Variants in SMYD3 observed in about 807,000 individuals in gnomAD.
SMYD3 encodes SET and MYND domain containing 3.
Under a neutral mutation model 57.7 loss-of-function variants are expected in SMYD3, and 36 were observed. That is an observed-to-expected ratio of 0.62 (90% CI 0.48 to 0.82). The LOEUF (loss-of-function observed/expected upper bound fraction) is 0.82. SMYD3 is among the 40% of genes least tolerant of loss of function. The pLI is 0.00. For synonymous variants in SMYD3, 211 were observed against 195.0 expected, an observed-to-expected ratio of 1.08 and a Z score of -0.68; for missense variants, 515 against 538.8, an observed-to-expected ratio of 0.96 and a Z score of 0.44.
intron 10 of SMYD3, among the ~76,000 whole-genome samples, chr1:245,769,422 G>T (rs1303581639): frequency 2.0e-5 from 3 of 152,206 alleles, no homozygotes; most frequent in African/African-American, 7.2e-5. Flanking sequence ...AAAAACAAGG[G>T]ACAGAGGGAC....
chr1:246,039,303 T>C (rs2148288803), intron 5 of SMYD3, among the ~76,000 whole-genome samples: 1 of 152,306 alleles, frequency 6.6e-6, no homozygotes, highest in African/African-American at 2.4e-5. Flanking sequence ...TATACATGCA[T>C]ATTGAGATGT....
intron 7 of SMYD3, among the ~76,000 whole-genome samples, chr1:245,918,888 C>A (rs1008498231): frequency 1.3e-5 from 2 of 152,148 alleles, no homozygotes; most frequent in African/African-American, 2.4e-5. Flanking sequence ...TTACAGTGTG[C>A]CCAGTGTGAA....
At chr1:246,098,551 T>C (rs2060954526) in intron 5 of SMYD3, among the ~76,000 whole-genome samples, 1 of 152,240 alleles carries the variant, frequency 6.6e-6, no homozygotes, top group Non-Finnish European at 1.5e-5. Flanking sequence ...TTCCCTGGAA[T>C]ATTTTATTTC....
chr1:246,036,878 C>T (rs1478892156), intron 5 of SMYD3, among the ~76,000 whole-genome samples: 2 of 152,094 alleles, frequency 1.3e-5, no homozygotes, highest in East Asian at 3.9e-4. Flanking sequence ...ATTTTATTAT[C>T]ATCATTTAGT....
chr1:245,909,555 A>G (rs2054820254), intron 8 of SMYD3, among the ~76,000 whole-genome samples: 1 of 150,906 alleles, frequency 6.6e-6, no homozygotes, highest in Non-Finnish European at 1.5e-5. Flanking sequence ...TAGCATAGAC[A>G]CACTTTTTTT....
chr1:246,258,311 A>G (rs1248047404), intron 5 of SMYD3, among the ~76,000 whole-genome samples: 1 of 152,204 alleles, frequency 6.6e-6, no homozygotes, highest in East Asian at 1.9e-4. Flanking sequence ...CTGGGATTAC[A>G]GGAGTGAGCC....
intron 8 of SMYD3, among the ~76,000 whole-genome samples, chr1:245,881,485 T>C (rs537366573): frequency 6.6e-6 from 1 of 152,272 alleles, no homozygotes; most frequent in South Asian, 2.1e-4. Flanking sequence ...TTTTGAAGCA[T>C]CAGGTAATAG....
intron 5 of SMYD3, among the ~76,000 whole-genome samples, chr1:246,050,572 A>T (rs953984566): frequency 6.6e-6 from 1 of 152,222 alleles, no homozygotes; most frequent in African/African-American, 2.4e-5. Flanking sequence ...AAAAAGCAAA[A>T]GGAATTTCTA....
At chr1:245,909,462 G>A (rs921969305) in intron 8 of SMYD3, among the ~76,000 whole-genome samples, 1 of 151,956 alleles carries the variant, frequency 6.6e-6, no homozygotes, top group Admixed American at 6.6e-5. Context: ...TATAAAACCA[G>A]CATTATGTAA....
chr1:246,430,636 T>C (rs1375050490), intron 1 of SMYD3, among the ~76,000 whole-genome samples: 1 of 152,098 alleles, frequency 6.6e-6, no homozygotes, highest in Non-Finnish European at 1.5e-5. Flanking sequence ...CTAGGGAGTT[T>C]TCACTGAAAC....
intron 5 of SMYD3, among the ~76,000 whole-genome samples, chr1:245,946,092 C>T (rs1351940427): frequency 1.3e-5 from 2 of 152,138 alleles, no homozygotes; most frequent in Non-Finnish European, 2.9e-5. Context: ...CAAACCTGAA[C>T]GTCCTGTACA....
chr1:246,497,729 C>T (rs947184835), intron 1 of SMYD3, among the ~76,000 whole-genome samples: 9 of 152,096 alleles, frequency 5.9e-5, no homozygotes, highest in East Asian at 1.9e-4. Flanking sequence ...TGATGTTGCA[C>T]GCCTGTGGTC....
chr1:246,088,650 G>A (rs2060769453), intron 5 of SMYD3, among the ~76,000 whole-genome samples: 1 of 152,148 alleles, frequency 6.6e-6, no homozygotes, highest in South Asian at 2.1e-4. Flanking sequence ...GAAATTCCAT[G>A]AAGTAGTCCA....
At chr1:246,187,898 G>C (rs573980423) in intron 5 of SMYD3, among the ~76,000 whole-genome samples, 22 of 151,928 alleles carry the variant, frequency 1.4e-4, no homozygotes, top group African/African-American at 5.1e-4. Flanking sequence ...GTCCCCCTAA[G>C]AACAGTTCTC....
At chr1:246,201,436 G>T (rs2062922022) in intron 5 of SMYD3, among the ~76,000 whole-genome samples, 1 of 152,246 alleles carries the variant, frequency 6.6e-6, no homozygotes, top group African/African-American at 2.4e-5. Flanking sequence ...TATTATTTGG[G>T]TCACTATATC....
At chr1:246,227,346 C>T (rs1180002425) in intron 5 of SMYD3, among the ~76,000 whole-genome samples, 2 of 152,104 alleles carry the variant, frequency 1.3e-5, no homozygotes, top group East Asian at 1.9e-4. Context: ...CCGGGTGCGG[C>T]GGCTCACGCC....
chr1:245,749,770 T>C (rs2147995015), intron 11 of SMYD3, 106 bp from the exon 12 acceptor site: 1 of 794,222 alleles, frequency 1.3e-6, no homozygotes. Flanking sequence ...CCCACAGGTT[T>C]ACAGGGTGAA....
chr1:245,986,276 G>A (rs1396368228), intron 5 of SMYD3, among the ~76,000 whole-genome samples: 1 of 152,194 alleles, frequency 6.6e-6, no homozygotes, highest in African/African-American at 2.4e-5. Context: ...TTCTGGAGAA[G>A]TTTTCTCATT....
chr1:246,112,811 C>T (rs550327940), intron 5 of SMYD3, among the ~76,000 whole-genome samples: 17 of 152,304 alleles, frequency 1.1e-4, no homozygotes, highest in African/African-American at 3.4e-4. Context: ...TATATTTACA[C>T]AGAAATAATT....
Sources: allele counts gnomAD v4.1 joint callset (sites outside exome capture counted in the v4.1 genomes callset), GRCh38; gene constraint gnomAD v4.1.1; transcripts MANE v1.5; gene names NCBI Gene and HGNC (gene_info 2026-07-23, HGNC 2026-07-21).